Variants in LONRF2 observed in about 807,000 individuals in gnomAD.
The protein encoded by LONRF2 is LON peptidase N-terminal domain and RING finger protein 2.
In LONRF2, 35 loss-of-function variants were observed where a neutral mutation model predicts 66.6. That is an observed-to-expected ratio of 0.53 (90% CI 0.40 to 0.70). The LOEUF is 0.70. Among genes scored for constraint, LONRF2 ranks in the 30% least tolerant of loss-of-function variants. The pLI, the probability that LONRF2 is intolerant of heterozygous loss-of-function variation, is 0.00. For missense variants in LONRF2, 902 were observed against 1,002.1 expected (o/e 0.90, Z 1.35); for synonymous variants, 417 against 418.1 (o/e 1.00, Z 0.03).
intron 1 of LONRF2, among the ~76,000 whole-genome samples, chr2:100,312,577 ACTC>A (rs1288383788): frequency 3.0e-4 from 46 of 152,234 alleles, no homozygotes; most frequent in African/African-American, 1.1e-3. Context: ...TTAAGTCTCT[ACTC>A]CTCACATTCT....
rs911057563 is a variant in LONRF2 at position 100,282,050 on chromosome 2, C to T, written c.*2248G>A. The stretch of plus-strand genomic sequence containing the variant: ...CGTGTGATGCTGAACAGAGAGAGCA[C>T]GATGTGATCATAGTTAATTCCCTCT... On this transcript the variant is annotated 3_prime_UTR_variant, in exon 12 of 12. Transcript: ENST00000393437. 1 of 151,874 alleles carries T rather than the reference C, an allele frequency of 6.6e-6. No individual in the cohort carries two copies. Among genetic ancestry groups the T allele is most frequent in the East Asian group, 1.9e-4 (1 of 5,188 alleles). 9.4% of individuals were successfully genotyped at this position (151,874 alleles called of 1,614,324 possible).
rs1249087753 is a variant in LONRF2, at chr2:100,278,894, T to C, written c.*5404A>G. 1 of 152,148 alleles carries C rather than the reference T, an allele frequency of 6.6e-6. No homozygotes were observed. The highest frequency in any genetic ancestry group is 1.5e-5 in the Non-Finnish European group (1 of 68,068). 9.4% of individuals were successfully genotyped at this position (152,148 alleles called of 1,614,324 possible). A position where few individuals can be genotyped will look rare whatever the true frequency, so the allele number is the denominator to read the frequency against. On this transcript the variant is annotated 3_prime_UTR_variant, in exon 12 of 12. Transcript: ENST00000393437. ...ATACTGAGGAGTCCACTAATGCTGA[T>C]ACATGCCCTGCTTCTGCCGAAACAT...
Position 100,273,470 on chromosome 2 carries a change from C to A in LONRF2, c.*10828G>T, listed in dbSNP as rs1674537753. On this transcript the variant is annotated 3_prime_UTR_variant, in exon 12 of 12. Coordinates refer to ENST00000393437, the MANE Select transcript of LONRF2 (RefSeq NM_198461.4). ...CATTTACAACACTGTAAGTTTTATT[C>A]AGTTCAAATATCACATATTAGATAT... is the stretch of plus-strand genomic sequence containing the variant. The A allele has an allele frequency of 6.6e-6, 1 of 152,194 alleles. No individual in the cohort carries two copies. Among genetic ancestry groups the A allele is most frequent in the Non-Finnish European group, 1.5e-5 (1 of 68,040 alleles). 9.4% of individuals were successfully genotyped at this position (152,194 alleles called of 1,614,324 possible).
chr2:100,319,087 A>C (rs147834056), intron 1 of LONRF2, among the ~76,000 whole-genome samples: 1 of 149,752 alleles, frequency 6.7e-6, no homozygotes, highest in African/African-American at 2.5e-5. Flanking sequence ...ACGCCACTAC[A>C]CTTCAGCCTG....
intron 1 of LONRF2, among the ~76,000 whole-genome samples, chr2:100,319,231 T>C (rs558450561): frequency 5.9e-5 from 9 of 152,284 alleles, no homozygotes; most frequent in African/African-American, 2.2e-4. Context: ...AGGGCTAATT[T>C]ATTTTGAAAT....
At chr2:100,308,841 AT>A (rs34362469) in intron 2 of LONRF2, among the ~76,000 whole-genome samples, 59,866 of 151,846 alleles carry the variant, frequency 0.39, 13,949 homozygotes, top group East Asian at 0.71. Flanking sequence ...TTATTTATAT[AT>A]TTTTTCAATG....
intron 2 of LONRF2, 91 bp from the exon 3 acceptor site, chr2:100,303,134 A>C: frequency 1.6e-6 from 2 of 1,247,136 alleles, no homozygotes; most frequent in Non-Finnish European, 1.1e-6. Flanking sequence ...TTATTAGAAC[A>C]ATTTGTTTTA....
chr2:100,317,486 CACAAG>C (rs1175264981), intron 1 of LONRF2, among the ~76,000 whole-genome samples: 2 of 152,120 alleles, frequency 1.3e-5, no homozygotes, highest in African/African-American at 4.8e-5. Context: ...TTACAAATAC[CACAAG>C]ACATTATTAT....
chr2:100,317,398 T>C (rs564196841), intron 1 of LONRF2, among the ~76,000 whole-genome samples: 1 of 152,344 alleles, frequency 6.6e-6, no homozygotes, highest in South Asian at 2.1e-4. Context: ...CAAAACAGTG[T>C]ACAAACCATA....
In LONRF2 at chr2:100,303,182, GATGACTCTATC is replaced by G. The variant is rs1675222321; in HGVS notation, c.799-150_799-140del. The G allele has an allele frequency of 8.0e-6, 7 of 875,366 alleles. No homozygotes were observed. In the South Asian group the frequency reaches 1.4e-4, roughly 18 times the overall value. 54.2% of individuals were successfully genotyped at this position (875,366 alleles called of 1,614,324 possible). A position where few individuals can be genotyped will look rare whatever the true frequency, so the allele number is the denominator to read the frequency against. On this transcript the variant is annotated intron_variant, in intron 2 of 11. Transcript: ENST00000393437. The stretch of plus-strand genomic sequence containing the variant: ...ATAGAATAAACAAAGCCCATCAAAG[GATGACTCTATC>G]GCTACTTTCTCTACCCTGGAAACTT...
At position 100,276,204 on chromosome 2, in the gene LONRF2, T is replaced by G. The variant is rs1267091535; in HGVS notation, c.*8094A>C. The G allele has an allele frequency of 6.6e-6, 1 of 152,256 alleles. No homozygotes were observed. Among genetic ancestry groups the G allele is most frequent in the African/African-American group, 2.4e-5 (1 of 41,462 alleles). The allele number at this position is 152,256 out of a possible 1,614,324, so 9.4% of individuals were successfully genotyped here. A position where few individuals can be genotyped will look rare whatever the true frequency, so the allele number is the denominator to read the frequency against. ...TAGGTTCTAAATTAATTGTAACATT[T>G]GCTAAAATGTACCCATTGACAAAGC... On this transcript the variant is annotated 3_prime_UTR_variant, in exon 12 of 12. Transcript: ENST00000393437.
At chr2:100,306,360 G>C (rs1379145604) in intron 2 of LONRF2, among the ~76,000 whole-genome samples, 1 of 152,320 alleles carries the variant, frequency 6.6e-6, no homozygotes, top group East Asian at 1.9e-4. Flanking sequence ...TACGCACAAA[G>C]AACTTCACGT....
At chr2:100,312,707 T>C (rs1201672948) in intron 1 of LONRF2, among the ~76,000 whole-genome samples, 1 of 152,210 alleles carries the variant, frequency 6.6e-6, no homozygotes, top group Non-Finnish European at 1.5e-5. Context: ...TGAATCACTG[T>C]TTTCTTTGTT....
intron 1 of LONRF2, among the ~76,000 whole-genome samples, chr2:100,314,027 C>G (rs1033199105): frequency 2.6e-5 from 4 of 151,782 alleles, no homozygotes; most frequent in Non-Finnish European, 4.4e-5. Context: ...GAACTGTTCC[C>G]CAAATGTTTC....
rs1224561588 is a variant in LONRF2, at chr2:100,280,356, T to A, written c.*3942A>T. 6.6e-6 allele frequency: 1 copy of A among 152,122 alleles called. No individual in the cohort carries two copies. Among genetic ancestry groups the A allele is most frequent in the Non-Finnish European group, 1.5e-5 (1 of 68,070 alleles). The allele number at this position is 152,122 out of a possible 1,614,324, so 9.4% of individuals were successfully genotyped here. On this transcript the variant is annotated 3_prime_UTR_variant, in exon 12 of 12. Transcript: ENST00000393437. ...TGGCTCACGCAGCTCATCCTTCCCA[T>A]CCAGAGCGGGCTTCCCTGGGAATTA...
In LONRF2 at chr2:100,273,689, C is replaced by T. The variant is rs530592333; in HGVS notation, c.*10609G>A. The T allele has an allele frequency of 6.6e-6, 1 of 152,252 alleles. No homozygotes were observed. Among genetic ancestry groups the T allele is most frequent in the African/African-American group, 2.4e-5 (1 of 41,546 alleles). 9.4% of individuals were successfully genotyped at this position (152,252 alleles called of 1,614,324 possible). A position where few individuals can be genotyped will look rare whatever the true frequency, so the allele number is the denominator to read the frequency against. ...GGATATGACAACACATCACCTATCT[C>T]CAAACAAGAAAAAGCATGATTATTA... On this transcript the variant is annotated 3_prime_UTR_variant, in exon 12 of 12. Transcript: ENST00000393437.
chr2:100,286,778 G>A (rs748011597), intron 11 of LONRF2, 136 bp downstream of exon 11: 14 of 927,192 alleles, frequency 1.5e-5, no homozygotes, highest in East Asian at 8.1e-5. Flanking sequence ...CCTTTGGGCT[G>A]TTAGTAGATG....
At chr2:100,300,519 GGTCTT>G in intron 4 of LONRF2, 120 bp downstream of exon 4, 1 of 886,260 alleles carries the variant, frequency 1.1e-6, no homozygotes, top group East Asian at 2.7e-5. Context: ...AGCTACAACT[GGTCTT>G]GAGAAATATG....
intron 1 of LONRF2, among the ~76,000 whole-genome samples, chr2:100,316,336 AAAG>A (rs1421908935): frequency 1.4e-3 from 75 of 54,842 alleles, no homozygotes; most frequent in East Asian, 4.2e-3. Flanking sequence ...AAAAAAAAAA[AAAG>A]AAAGAAAATT....
Sources: gnomAD v4.1 joint callset for allele counts (sites outside exome capture counted in the v4.1 genomes callset) on GRCh38, gnomAD v4.1.1 for gene constraint, MANE v1.5 for transcripts, NCBI Gene and HGNC (gene_info 2026-07-23, HGNC 2026-07-21) for gene names.